Variants in UNC5D observed in about 807,000 individuals in gnomAD.
UNC5D encodes the protein unc-5 netrin receptor D.
In UNC5D, 39 loss-of-function variants were observed where a neutral mutation model predicts 105.4. The observed-to-expected ratio is 0.37, with a 90% CI of 0.29 to 0.48. The LOEUF (loss-of-function observed/expected upper bound fraction) is 0.48. Ranked by LOEUF, UNC5D falls within the 20% of genes least tolerant of loss-of-function variation. The pLI is 0.98. For missense variants in UNC5D, 991 were observed against 1,202.4 expected, an observed-to-expected ratio of 0.82 and a Z score of 2.60; for synonymous variants, 452 against 450.4, an observed-to-expected ratio of 1.00 and a Z score of -0.04.
chr8:35,746,256 G>C (rs1830002617), intron 11 of UNC5D, among the ~76,000 whole-genome samples: 1 of 152,150 alleles, frequency 6.6e-6, no homozygotes. Flanking sequence ...ACCTTATGCT[G>C]TTAACACCTG....
At chr8:35,648,390 T>C (rs1375862718) in intron 4 of UNC5D, among the ~76,000 whole-genome samples, 1 of 151,948 alleles carries the variant, frequency 6.6e-6, no homozygotes, top group Non-Finnish European at 1.5e-5. Flanking sequence ...ATTAAAGCAT[T>C]ATCTCTGGCA....
At chr8:35,518,022 G>A (rs1813214551) in intron 1 of UNC5D, among the ~76,000 whole-genome samples, 1 of 152,004 alleles carries the variant, frequency 6.6e-6, no homozygotes, top group Non-Finnish European at 1.5e-5. Context: ...TTGGGATTAA[G>A]ATTTCAACAT....
At chr8:35,639,667 A>G (rs777292071) in intron 4 of UNC5D, among the ~76,000 whole-genome samples, 10 of 152,162 alleles carry the variant, frequency 6.6e-5, no homozygotes, top group Non-Finnish European at 1.3e-4. Context: ...TAAATTCTGG[A>G]AGATAAAACT....
chr8:35,674,836 C>G (rs1198835626), intron 4 of UNC5D, among the ~76,000 whole-genome samples: 1 of 152,116 alleles, frequency 6.6e-6, no homozygotes, highest in Non-Finnish European at 1.5e-5. Context: ...CCCGTTTTCT[C>G]ACAAAAGCAC....
At chr8:35,733,559 A>G (rs1829306975) in intron 11 of UNC5D, among the ~76,000 whole-genome samples, 1 of 152,178 alleles carries the variant, frequency 6.6e-6, no homozygotes, top group Non-Finnish European at 1.5e-5. Flanking sequence ...GTCTTAGTTC[A>G]TCATGAGAAC....
intron 13 of UNC5D, among the ~76,000 whole-genome samples, chr8:35,752,441 GGTGA>G (rs1830329632): frequency 6.6e-6 from 1 of 152,250 alleles, no homozygotes. Flanking sequence ...AGCCAGTAAA[GGTGA>G]CACAGAGCCA....
chr8:35,790,775 A>G lies in UNC5D; in HGVS notation c.*212A>G, dbSNP rs1011797058. On this transcript the variant is annotated 3_prime_UTR_variant, in exon 17 of 17. Transcript: ENST00000404895. ...CTCTTACATATAAGAGGGCTCTACTATCTCCTTGGAATCCACATTTGGGTT... is the reference window on the plus strand; with the variant it reads ...CTCTTACATATAAGAGGGCTCTACTGTCTCCTTGGAATCCACATTTGGGTT... 4 of 586,856 alleles carry G rather than the reference A, an allele frequency of 6.8e-6. No homozygotes were observed. The highest frequency in any genetic ancestry group is 2.1e-5 in the South Asian group (1 of 47,478). The allele number at this position is 586,856 out of a possible 1,614,324, so 36.4% of individuals were successfully genotyped here.
chr8:35,744,910 G>A lies in UNC5D; in HGVS notation c.1767-3617G>A, dbSNP rs374237695. Among the ~76,000 whole-genome samples the A allele has an allele frequency of 1.5e-3, 228 of 152,118 alleles. 1 individual carries two copies. Among genetic ancestry groups the A allele is most frequent in the Non-Finnish European group, 2.7e-3 (183 of 67,980 alleles). ...TCTACTAAAAATACAAAAATTAGCC[G>A]GGCATGGTAGTATGTGCCTATAATC... On this transcript the variant is annotated intron_variant, in intron 11 of 16. Coordinates refer to ENST00000404895, the MANE Select transcript of UNC5D (RefSeq NM_080872.4).
At chr8:35,610,269 TTTTG>T (rs1436332456) in intron 4 of UNC5D, among the ~76,000 whole-genome samples, 1 of 151,986 alleles carries the variant, frequency 6.6e-6, no homozygotes, top group African/African-American at 2.4e-5. Context: ...TCGTTTTTGG[TTTTG>T]TTTGTTTTTC....
chr8:35,643,478 A>G (rs989636154), intron 4 of UNC5D, among the ~76,000 whole-genome samples: 5 of 152,178 alleles, frequency 3.3e-5, no homozygotes, highest in African/African-American at 9.6e-5. Context: ...CACCACCCCC[A>G]GCTAATTTTT....
At chr8:35,655,715 G>C (rs180972664) in intron 4 of UNC5D, among the ~76,000 whole-genome samples, 1 of 152,298 alleles carries the variant, frequency 6.6e-6, no homozygotes, top group East Asian at 1.9e-4. Context: ...ATTTTGAGGA[G>C]AATGGTAGAA....
intron 1 of UNC5D, among the ~76,000 whole-genome samples, chr8:35,427,878 G>A (rs1806354287): frequency 6.6e-6 from 1 of 152,142 alleles, no homozygotes; most frequent in Admixed American, 6.5e-5. Flanking sequence ...TGATAAAACT[G>A]TAAGCCACTG....
At chr8:35,554,788 AT>A (rs1304887154) in intron 2 of UNC5D, among the ~76,000 whole-genome samples, 2 of 152,188 alleles carry the variant, frequency 1.3e-5, no homozygotes, top group African/African-American at 2.4e-5. Flanking sequence ...AATGAGTGAA[AT>A]AATGTGTATT....
At chr8:35,611,324 C>T (rs2130981698) in intron 4 of UNC5D, among the ~76,000 whole-genome samples, 1 of 152,256 alleles carries the variant, frequency 6.6e-6, no homozygotes, top group African/African-American at 2.4e-5. Flanking sequence ...AAGATAAAGC[C>T]ACTTATCAAA....
intron 1 of UNC5D, among the ~76,000 whole-genome samples, chr8:35,434,068 A>G (rs1470880656): frequency 1.3e-5 from 2 of 152,044 alleles, no homozygotes; most frequent in African/African-American, 2.4e-5. Context: ...AAGTCAGAAT[A>G]TGTAACATAA....
intron 1 of UNC5D, among the ~76,000 whole-genome samples, chr8:35,258,723 G>C (rs930541042): frequency 1.3e-5 from 2 of 152,190 alleles, no homozygotes; most frequent in African/African-American, 4.8e-5. Flanking sequence ...AGCGACTATA[G>C]CTGCCATCAA....
chr8:35,621,972 T>G (rs1472293394), intron 4 of UNC5D, among the ~76,000 whole-genome samples: 1 of 152,216 alleles, frequency 6.6e-6, no homozygotes, highest in Non-Finnish European at 1.5e-5. Context: ...ATCTCTTGTT[T>G]TCTTAACTGG....
At chr8:35,358,078 C>A (rs913293209) in intron 1 of UNC5D, among the ~76,000 whole-genome samples, 5 of 152,144 alleles carry the variant, frequency 3.3e-5, no homozygotes, top group Non-Finnish European at 7.4e-5. Flanking sequence ...TCTTTGCTTA[C>A]TATCTAGACT....
chr8:35,769,648 T>C (rs1002878345), intron 15 of UNC5D, among the ~76,000 whole-genome samples: 7 of 152,150 alleles, frequency 4.6e-5, no homozygotes, highest in African/African-American at 1.7e-4. Flanking sequence ...GACACACATC[T>C]GGTGATACAT....
Sources: allele counts gnomAD v4.1 joint callset (sites outside exome capture counted in the v4.1 genomes callset), GRCh38; gene constraint gnomAD v4.1.1; transcripts MANE v1.5; gene names NCBI Gene and HGNC (gene_info 2026-07-23, HGNC 2026-07-21).